Variants in NKAIN3 observed in about 807,000 individuals in gnomAD.
NKAIN3 encodes sodium/potassium-transporting ATPase subunit beta-1-interacting protein 3.
Under a neutral mutation model 30.2 loss-of-function variants are expected in NKAIN3, and 25 were observed. The observed-to-expected ratio is 0.83, with a 90% CI of 0.60 to 1.16. The LOEUF (loss-of-function observed/expected upper bound fraction) is 1.16. Ranked by LOEUF, NKAIN3 falls within the 50% of genes most tolerant of loss-of-function variation. The pLI, the probability that NKAIN3 is intolerant of heterozygous loss-of-function variation, is 0.00. For synonymous variants in NKAIN3, 91 were observed against 89.6 expected (o/e 1.02, Z -0.09); for missense variants, 225 against 254.1 (o/e 0.89, Z 0.78).
rs1823996866 is a variant in NKAIN3 at position 62,978,550 on chromosome 8, G to A, written c.*13143G>A. ...ACTGCCTACTCAAGCCTCAGTAATG[G>A]CAGATACCTCTCCCCCAACCAAGCT... On this transcript the variant is annotated 3_prime_UTR_variant, in exon 7 of 7. Transcript: ENST00000623646. 6.6e-6 allele frequency: 1 copy of A among 152,242 alleles called. No individual in the cohort carries two copies. The highest frequency in any genetic ancestry group is 2.4e-5 in the African/African-American group (1 of 41,434). 9.4% of individuals were successfully genotyped at this position (152,242 alleles called of 1,614,324 possible). A position where few individuals can be genotyped will look rare whatever the true frequency, so the allele number is the denominator to read the frequency against.
chr8:62,613,240 T>A (rs1391652890), intron 3 of NKAIN3, among the ~76,000 whole-genome samples: 1 of 152,158 alleles, frequency 6.6e-6, no homozygotes, highest in African/African-American at 2.4e-5. Context: ...TTTGTTTGTC[T>A]GAGAAAATAT....
chr8:62,295,710 C>T (rs4534125), intron 1 of NKAIN3, among the ~76,000 whole-genome samples: 5,399 of 152,120 alleles, frequency 0.035, 346 homozygotes, highest in African/African-American at 0.12. Context: ...CTCCCCTCTT[C>T]GGGTAGAAAA....
intron 1 of NKAIN3, among the ~76,000 whole-genome samples, chr8:62,304,856 C>T (rs1814173947): frequency 6.6e-6 from 1 of 150,384 alleles, no homozygotes; most frequent in Admixed American, 6.6e-5. Context: ...CTACTCCATA[C>T]TCAAGTGGAA....
intron 4 of NKAIN3, among the ~76,000 whole-genome samples, chr8:62,891,339 C>T (rs1347462131): frequency 1.3e-5 from 2 of 152,220 alleles, no homozygotes; most frequent in Admixed American, 1.3e-4. Context: ...CTTTTGGACT[C>T]TTGGACTTAC....
chr8:62,795,265 T>A (rs1310377985), intron 4 of NKAIN3, among the ~76,000 whole-genome samples: 1 of 152,198 alleles, frequency 6.6e-6, no homozygotes, highest in Non-Finnish European at 1.5e-5. Context: ...AGGAAACCAA[T>A]AACTAATATG....
intron 3 of NKAIN3, among the ~76,000 whole-genome samples, chr8:62,659,001 A>G (rs565740922): frequency 1.6e-4 from 25 of 152,228 alleles, no homozygotes; most frequent in African/African-American, 5.8e-4. Flanking sequence ...CTGGAGAGGC[A>G]TATCCCATAA....
chr8:62,813,255 A>T (rs1447682209), intron 4 of NKAIN3, among the ~76,000 whole-genome samples: 2 of 151,976 alleles, frequency 1.3e-5, no homozygotes, highest in African/African-American at 2.4e-5. Context: ...ATAGCTTTGT[A>T]GTATATTTTG....
chr8:62,852,228 C>G (rs1374480571), intron 4 of NKAIN3, among the ~76,000 whole-genome samples: 2 of 152,114 alleles, frequency 1.3e-5, no homozygotes, highest in Admixed American at 6.5e-5. Flanking sequence ...TCTAGATTTT[C>G]TAGTTTATTT....
At chr8:62,487,863 G>A (rs888333069) in intron 1 of NKAIN3, among the ~76,000 whole-genome samples, 3 of 152,182 alleles carry the variant, frequency 2.0e-5, no homozygotes, top group Non-Finnish European at 4.4e-5. Flanking sequence ...ACAAGTGCAA[G>A]TAGAGTTTGG....
intron 4 of NKAIN3, among the ~76,000 whole-genome samples, chr8:62,866,890 C>CAAAAAAAAAAAAA (rs59832626): frequency 7.9e-6 from 1 of 125,852 alleles, no homozygotes. Context: ...ACTAAAAATA[C>CAAAAAAAAAAAAA]AAAAAAAAAA....
intron 5 of NKAIN3, among the ~76,000 whole-genome samples, chr8:62,948,947 G>A (rs554916994): frequency 6.6e-6 from 1 of 152,150 alleles, no homozygotes; most frequent in African/African-American, 2.4e-5. Context: ...CACAGAGGAG[G>A]ATCCAAGTAT....
rs191870045 is a variant in NKAIN3, at chr8:62,780,218, A to G, written c.471+33089A>G. ...GAAATGGATATATTCCTAAAAATATACAACCTACTGAGATTGACCCAAGAA... is the reference window on the plus strand; with the variant it reads ...GAAATGGATATATTCCTAAAAATATGCAACCTACTGAGATTGACCCAAGAA... On this transcript the variant is annotated intron_variant, in intron 4 of 6. Coordinates refer to ENST00000623646, the MANE Select transcript of NKAIN3 (RefSeq NM_001304533.3). 7.5e-3 allele frequency among the ~76,000 whole-genome samples: 1,141 copies of G among 152,268 alleles called. 13 individuals are homozygous for G. Among genetic ancestry groups the G allele is most frequent in the African/African-American group, 0.026 (1,064 of 41,574 alleles).
At chr8:62,256,077 G>A (rs148035911) in intron 1 of NKAIN3, among the ~76,000 whole-genome samples, 220 of 152,156 alleles carry the variant, frequency 1.4e-3, no homozygotes, top group Non-Finnish European at 2.1e-3. Flanking sequence ...GTTGAGAGCC[G>A]AGTTAGCTGA....
intron 1 of NKAIN3, among the ~76,000 whole-genome samples, chr8:62,555,770 C>G (rs921532603): frequency 6.6e-6 from 1 of 151,892 alleles, no homozygotes; most frequent in Non-Finnish European, 1.5e-5. Context: ...AAATTCCACA[C>G]AAAGAGATAT....
At chr8:62,787,894 G>GTA (rs1222725470) in intron 4 of NKAIN3, among the ~76,000 whole-genome samples, 1 of 152,112 alleles carries the variant, frequency 6.6e-6, no homozygotes, top group Non-Finnish European at 1.5e-5. Context: ...ATTCCATGGT[G>GTA]TATATGTGCC....
chr8:62,252,591 T>C (rs1442081125), intron 1 of NKAIN3, among the ~76,000 whole-genome samples: 2 of 132,428 alleles, frequency 1.5e-5, no homozygotes, highest in Non-Finnish European at 3.3e-5. Context: ...CTCATGGTTT[T>C]CATTTGTGAT....
chr8:62,856,372 C>A lies in NKAIN3; in HGVS notation c.472-62081C>A, dbSNP rs143543505. ...TGCTTCCTGGTCTCCTTGGAGTGAA[C>A]CTTCTAGTTTGCTGGATTCCTCAAA... On this transcript the variant is annotated intron_variant, in intron 4 of 6. Transcript: ENST00000623646. 7.7e-4 allele frequency: 651 copies of A among 840,018 alleles called. 3 individuals are homozygous for A. The African/African-American group carries it at 9.6e-3, about 12-fold the overall frequency. The allele number at this position is 840,018 out of a possible 1,614,324, so 52.0% of individuals were successfully genotyped here.
At chr8:62,636,362 T>C (rs1315229740) in intron 3 of NKAIN3, among the ~76,000 whole-genome samples, 3 of 152,132 alleles carry the variant, frequency 2.0e-5, no homozygotes, top group African/African-American at 7.2e-5. Context: ...CATACACACA[T>C]GCACACACAT....
chr8:62,847,439 TAGTG>T (rs1246579174), intron 4 of NKAIN3, among the ~76,000 whole-genome samples: 1 of 152,216 alleles, frequency 6.6e-6, no homozygotes, highest in Admixed American at 6.5e-5. Context: ...TCATCAGTGA[TAGTG>T]AGCTCTTTTT....
Sources: gnomAD v4.1 joint callset for allele counts (sites outside exome capture counted in the v4.1 genomes callset) on GRCh38, gnomAD v4.1.1 for gene constraint, MANE v1.5 for transcripts, NCBI Gene and HGNC (gene_info 2026-07-23, HGNC 2026-07-21) for gene names.